Variants in ZBTB44 observed in about 807,000 individuals in gnomAD.
ZBTB44 encodes the protein zinc finger and BTB domain-containing protein 44.
Under a neutral mutation model 54.0 loss-of-function variants are expected in ZBTB44, and 15 were observed. The observed-to-expected ratio is 0.28, with a 90% CI of 0.19 to 0.43. ZBTB44 has a LOEUF of 0.43. Among genes scored for constraint, ZBTB44 ranks in the 20% least tolerant of loss-of-function variants. ZBTB44 has a pLI of 1.00. For missense variants in ZBTB44, 487 were observed against 707.1 expected, an observed-to-expected ratio of 0.69 and a Z score of 3.53; for synonymous variants, 230 against 250.1, an observed-to-expected ratio of 0.92 and a Z score of 0.76.
At chr11:130,244,764 G>T (rs1369684085) in intron 2 of ZBTB44, among the ~76,000 whole-genome samples, 1 of 151,418 alleles carries the variant, frequency 6.6e-6, no homozygotes, top group African/African-American at 2.4e-5. Flanking sequence ...ATCTGCTAAT[G>T]AACATACGGG....
intron 1 of ZBTB44, among the ~76,000 whole-genome samples, chr11:130,263,203 G>A (rs1397379814): frequency 6.6e-6 from 1 of 152,164 alleles, no homozygotes; most frequent in African/African-American, 2.4e-5. Context: ...TAATTATCTT[G>A]ACCATAATTA....
intron 1 of ZBTB44, among the ~76,000 whole-genome samples, chr11:130,266,266 G>C (rs2134159415): frequency 6.6e-6 from 1 of 152,302 alleles, no homozygotes; most frequent in Non-Finnish European, 1.5e-5. Flanking sequence ...ATGGTTTACT[G>C]AATGTTTTAA....
At chr11:130,243,849 G>A (rs1479003772) in intron 2 of ZBTB44, among the ~76,000 whole-genome samples, 2 of 152,062 alleles carry the variant, frequency 1.3e-5, no homozygotes, top group African/African-American at 4.8e-5. Flanking sequence ...GGTATTGCAG[G>A]ATTTTTAAAT....
At chr11:130,260,378 G>T (rs925968794) in intron 2 of ZBTB44, among the ~76,000 whole-genome samples, 1 of 152,174 alleles carries the variant, frequency 6.6e-6, no homozygotes, top group Non-Finnish European at 1.5e-5. Context: ...AGTGTAACTT[G>T]CTCTTTCCTT....
At chr11:130,297,517 G>T (rs1941723042) in intron 1 of ZBTB44, among the ~76,000 whole-genome samples, 1 of 152,226 alleles carries the variant, frequency 6.6e-6, no homozygotes, top group African/African-American at 2.4e-5. Context: ...AAACCCCAGT[G>T]CCTCAGAATG....
chr11:130,283,608 AT>A, intron 1 of ZBTB44, among the ~76,000 whole-genome samples: 1 of 152,274 alleles, frequency 6.6e-6, no homozygotes, highest in Non-Finnish European at 1.5e-5. Context: ...GTTCAATCTC[AT>A]TTTAAAAAAT....
chr11:130,280,518 G>A (rs1214760458), intron 1 of ZBTB44, among the ~76,000 whole-genome samples: 1 of 152,188 alleles, frequency 6.6e-6, no homozygotes, highest in Non-Finnish European at 1.5e-5. Context: ...TAACACTCCT[G>A]TCTCAGCCAT....
chr11:130,268,252 G>A (rs1362127952), intron 1 of ZBTB44, among the ~76,000 whole-genome samples: 16 of 151,246 alleles, frequency 1.1e-4, no homozygotes, highest in African/African-American at 3.9e-4. Flanking sequence ...GGGTGGAGTG[G>A]GGTAGGGGAA....
rs1035956527 is a variant in ZBTB44 at position 130,296,056 on chromosome 11, C to G, written c.-57+18319G>C. On this transcript the variant is annotated intron_variant, in intron 1 of 7. Transcript: ENST00000357899. ...GTGTCTGGTTATTGATGAAGCTGATCGTATCTTGGATGTTGGGTATGAAGA... is the reference window on the plus strand; with the variant it reads ...GTGTCTGGTTATTGATGAAGCTGATGGTATCTTGGATGTTGGGTATGAAGA... 19 of 1,583,380 alleles carry G rather than the reference C, an allele frequency of 1.2e-5. No individual in the cohort carries two copies. In the South Asian group the frequency reaches 2.0e-4, roughly 17 times the overall value.
chr11:130,239,770 C>T, intron 3 of ZBTB44, 42 bp downstream of exon 3: 1 of 1,526,408 alleles, frequency 6.6e-7, no homozygotes, highest in African/African-American at 1.4e-5. Context: ...GAGTTGTAAA[C>T]ACAACCCTTA....
intron 1 of ZBTB44, among the ~76,000 whole-genome samples, chr11:130,280,759 C>T (rs190092360): frequency 1.5e-4 from 23 of 152,302 alleles, no homozygotes; most frequent in Admixed American, 5.9e-4. Context: ...AGTTCTAGCA[C>T]GCTTTTTGTA....
At chr11:130,286,350 G>C (rs765212695) in intron 1 of ZBTB44, among the ~76,000 whole-genome samples, 11 of 152,008 alleles carry the variant, frequency 7.2e-5, no homozygotes, top group Non-Finnish European at 1.6e-4. Context: ...ACCTGTAAAT[G>C]TATTTTTAAA....
chr11:130,288,372 T>C (rs1363278498), intron 1 of ZBTB44, among the ~76,000 whole-genome samples: 2 of 151,292 alleles, frequency 1.3e-5, no homozygotes, highest in Admixed American at 1.3e-4. Flanking sequence ...AGACTCTGTC[T>C]CGGGAAAAAA....
chr11:130,268,715 A>G (rs867172411), intron 1 of ZBTB44, among the ~76,000 whole-genome samples: 3 of 152,060 alleles, frequency 2.0e-5, no homozygotes, highest in Non-Finnish European at 2.9e-5. Context: ...AGTAGTTGCG[A>G]ATACAGTCGC....
chr11:130,227,516 G>T lies in ZBTB44; in HGVS notation c.*4248C>A, dbSNP rs1160229160. 1 of 152,192 alleles carries T rather than the reference G, an allele frequency of 6.6e-6. No homozygotes were observed. Among genetic ancestry groups the T allele is most frequent in the African/African-American group, 2.4e-5 (1 of 41,444 alleles). 9.4% of individuals were successfully genotyped at this position (152,192 alleles called of 1,614,324 possible). ...AAGAATCACAATGCTATAACTGGCAGGGTAAAAAAGTCCCCCCGCCCCGAC... is the reference window on the plus strand; with the variant it reads ...AAGAATCACAATGCTATAACTGGCATGGTAAAAAAGTCCCCCCGCCCCGAC... On this transcript the variant is annotated 3_prime_UTR_variant, in exon 8 of 8. Coordinates refer to ENST00000357899, the MANE Select transcript of ZBTB44 (RefSeq NM_001301098.2).
At chr11:130,233,233 G>C (rs1213824537) in intron 7 of ZBTB44, 75 bp downstream of exon 7, 2 of 1,486,004 alleles carry the variant, frequency 1.3e-6, no homozygotes, top group Non-Finnish European at 1.8e-6. Flanking sequence ...CATTACATTC[G>C]GAGACCAGGT....
At chr11:130,309,695 G>A (rs761167029) in intron 1 of ZBTB44, among the ~76,000 whole-genome samples, 4 of 151,974 alleles carry the variant, frequency 2.6e-5, no homozygotes, top group African/African-American at 4.8e-5. Flanking sequence ...AGGAGCTCGA[G>A]ACCAGCCTGG....
intron 1 of ZBTB44, among the ~76,000 whole-genome samples, chr11:130,269,892 A>G (rs887249539): frequency 4.6e-5 from 7 of 152,212 alleles, no homozygotes; most frequent in African/African-American, 1.7e-4. Flanking sequence ...GCATTCAATA[A>G]ACGTTAGCTA....
chr11:130,253,038 A>T (rs1265135498), intron 2 of ZBTB44, among the ~76,000 whole-genome samples: 2 of 152,238 alleles, frequency 1.3e-5, no homozygotes, highest in African/African-American at 2.4e-5. Flanking sequence ...AACTCTCAAT[A>T]AATTAGGTAT....
Sources: gnomAD v4.1 joint callset for allele counts (sites outside exome capture counted in the v4.1 genomes callset) on GRCh38, gnomAD v4.1.1 for gene constraint, MANE v1.5 for transcripts, NCBI Gene and HGNC (gene_info 2026-07-23, HGNC 2026-07-21) for gene names.